Variants in DPYD observed in about 807,000 individuals in gnomAD.
DPYD encodes dihydropyrimidine dehydrogenase [NADP(+)].
A neutral mutation model predicts 116.2 loss-of-function variants in DPYD; 109 were observed. The observed-to-expected ratio is 0.94, with a 90% CI of 0.80 to 1.10. The LOEUF is 1.10. Ranked by LOEUF, DPYD falls within the 50% of genes least tolerant of loss-of-function variation. DPYD has a pLI of 0.00. For missense variants in DPYD, 1,302 were observed against 1,254.5 expected (o/e 1.04, Z -0.57); for synonymous variants, 440 against 432.0 (o/e 1.02, Z -0.23).
chr1:97,867,210 T>C (rs1671428159), intron 2 of DPYD, among the ~76,000 whole-genome samples: 1 of 151,814 alleles, frequency 6.6e-6, no homozygotes, highest in Non-Finnish European at 1.5e-5. Flanking sequence ...TGCCTGCTTC[T>C]GTCAGTCTGA....
At chr1:97,234,817 G>A (rs1661798117) in intron 19 of DPYD, 35 bp downstream of exon 19, 2 of 1,612,608 alleles carry the variant, frequency 1.2e-6, no homozygotes, top group East Asian at 4.5e-5. Flanking sequence ...GTGAGATGGA[G>A]ATTTTTAAAA....
rs147437315 is a variant in DPYD, at chr1:97,762,968, G to C, written c.234-22489C>G. Among the ~76,000 whole-genome samples the C allele has an allele frequency of 2.1e-3, 312 of 152,162 alleles. 1 individual carries two copies. The highest frequency in any genetic ancestry group is 6.5e-3 in the African/African-American group (268 of 41,540). ...GCATAAAAAGCTCCTTCTTCCTAGA[G>C]TTATTATGAGGAACAAAGGAGATTA... On this transcript the variant is annotated intron_variant, in intron 3 of 22. Coordinates refer to ENST00000370192, the MANE Select transcript of DPYD (RefSeq NM_000110.4).
intron 2 of DPYD, among the ~76,000 whole-genome samples, chr1:97,875,064 G>T (rs1671842501): frequency 6.6e-6 from 1 of 151,692 alleles, no homozygotes; most frequent in Non-Finnish European, 1.5e-5. Flanking sequence ...AAATCAAATG[G>T]CATAAAAATA....
intron 14 of DPYD, among the ~76,000 whole-genome samples, chr1:97,449,830 C>G (rs1167551253): frequency 6.6e-6 from 1 of 152,204 alleles, no homozygotes; most frequent in East Asian, 1.9e-4. Flanking sequence ...GTAGATACTT[C>G]TTCCATCTTA....
intron 9 of DPYD, among the ~76,000 whole-genome samples, chr1:97,594,278 C>T (rs1053860518): frequency 1.3e-5 from 2 of 152,090 alleles, no homozygotes; most frequent in Non-Finnish European, 2.9e-5. Flanking sequence ...GCTAGGTGCA[C>T]TATGACCTTC....
chr1:97,492,024 T>C (rs912477535), intron 13 of DPYD, among the ~76,000 whole-genome samples: 3 of 152,174 alleles, frequency 2.0e-5, no homozygotes, highest in Admixed American at 2.0e-4. Flanking sequence ...CTTCTGATAC[T>C]GTATTTTTAA....
chr1:97,551,306 T>C (rs1466692095), intron 11 of DPYD, among the ~76,000 whole-genome samples: 1 of 152,178 alleles, frequency 6.6e-6, no homozygotes, highest in African/African-American at 2.4e-5. Context: ...TTATCATTTG[T>C]TCCCTGTTGC....
chr1:97,418,813 A>G (rs1570702530), intron 14 of DPYD, among the ~76,000 whole-genome samples: 1 of 152,162 alleles, frequency 6.6e-6, no homozygotes, highest in East Asian at 1.9e-4. Flanking sequence ...ATGTGTTGGT[A>G]TATCTTAGTT....
intron 20 of DPYD, among the ~76,000 whole-genome samples, chr1:97,167,974 A>C (rs761943119): frequency 2.6e-5 from 4 of 152,174 alleles, no homozygotes; most frequent in Non-Finnish European, 5.9e-5. Flanking sequence ...TAAGTACATT[A>C]TTTTTAATAA....
At chr1:97,591,011 T>C (rs1282540084) in intron 10 of DPYD, among the ~76,000 whole-genome samples, 1 of 152,210 alleles carries the variant, frequency 6.6e-6, no homozygotes, top group African/African-American at 2.4e-5. Context: ...CCACATTCTG[T>C]CCTCTCTTAC....
chr1:97,352,679 C>T (rs893900576), intron 16 of DPYD, among the ~76,000 whole-genome samples: 10 of 151,308 alleles, frequency 6.6e-5, no homozygotes, highest in East Asian at 1.9e-4. Flanking sequence ...TTCCCCTTCC[C>T]TACTTTGTGG....
intron 2 of DPYD, among the ~76,000 whole-genome samples, chr1:97,830,210 T>C (rs746479444): frequency 6.6e-6 from 1 of 152,164 alleles, no homozygotes; most frequent in Non-Finnish European, 1.5e-5. Context: ...AATAAACATA[T>C]GTGTGTATCC....
chr1:97,304,374 T>C (rs974819981), intron 18 of DPYD, among the ~76,000 whole-genome samples: 3 of 152,012 alleles, frequency 2.0e-5, no homozygotes, highest in African/African-American at 7.2e-5. Flanking sequence ...TCTGACATTG[T>C]GGGAATGGCA....
At chr1:97,832,382 T>G (rs1669583010) in intron 2 of DPYD, among the ~76,000 whole-genome samples, 1 of 152,112 alleles carries the variant, frequency 6.6e-6, no homozygotes, top group South Asian at 2.1e-4. Flanking sequence ...TGAATAGGCC[T>G]TCCTCTAGGT....
intron 13 of DPYD, among the ~76,000 whole-genome samples, chr1:97,485,381 T>C (rs1219415550): frequency 6.6e-6 from 1 of 152,120 alleles, no homozygotes; most frequent in Non-Finnish European, 1.5e-5. Context: ...TTTCTATGTT[T>C]AGTAGAGATG....
intron 18 of DPYD, among the ~76,000 whole-genome samples, chr1:97,265,190 T>C (rs889956556): frequency 1.3e-5 from 2 of 152,144 alleles, no homozygotes; most frequent in African/African-American, 4.8e-5. Context: ...TTGCATGACC[T>C]TTTCCCTCTT....
chr1:97,496,053 T>C (rs966420848), intron 13 of DPYD, among the ~76,000 whole-genome samples: 1 of 152,224 alleles, frequency 6.6e-6, no homozygotes, highest in East Asian at 1.9e-4. Flanking sequence ...ATAGTAACCA[T>C]GTTTTTCTCA....
intron 18 of DPYD, among the ~76,000 whole-genome samples, chr1:97,242,130 A>G (rs1193050063): frequency 6.4e-5 from 3 of 46,722 alleles, no homozygotes; most frequent in Admixed American, 1.7e-4. Flanking sequence ...GTGTGTATAT[A>G]TATATATATA....
rs548564214 is a variant in DPYD, at chr1:97,735,805, AAG to A, written c.321+4585_321+4586del. Reference sequence around the variant, plus strand: ...AAGCACAAAAAACTCTTAGAAATGAAAGATATAATTGTAGCTCAAAACTCAAT... The same window carrying A: ...AAGCACAAAAAACTCTTAGAAATGAAATATAATTGTAGCTCAAAACTCAAT... On this transcript the variant is annotated intron_variant, in intron 4 of 22. Transcript: ENST00000370192. Among the ~76,000 whole-genome samples the A allele has an allele frequency of 1.4e-4, 21 of 151,804 alleles. No individual in the cohort carries two copies. The East Asian group carries it at 3.9e-3, about 28-fold the overall frequency.
Sources: gnomAD v4.1 joint callset for allele counts (sites outside exome capture counted in the v4.1 genomes callset) on GRCh38, gnomAD v4.1.1 for gene constraint, MANE v1.5 for transcripts, NCBI Gene and HGNC (gene_info 2026-07-23, HGNC 2026-07-21) for gene names.